The following GNG2 variants were observed in gnomAD, a reference collection of about 807,000 sequenced individuals.
GNG2 encodes G protein subunit gamma 2, also known as guanine nucleotide-binding protein G(I)/G(S)/G(O) subunit gamma-2.
A neutral mutation model predicts 5.5 loss-of-function variants in GNG2; 5 were observed. That is an observed-to-expected ratio of 0.91 (90% CI 0.48 to 1.92). GNG2 has a LOEUF of 1.92. Ranked by LOEUF, GNG2 falls within the 30% of genes most tolerant of loss-of-function variation. The probability of loss-of-function intolerance (pLI) is 0.01; values close to 1 mark genes in which losing one functional copy is unlikely to be tolerated. For missense variants in GNG2, 55 were observed against 88.4 expected, an observed-to-expected ratio of 0.62 and a Z score of 1.52; for synonymous variants, 28 against 32.0, an observed-to-expected ratio of 0.88 and a Z score of 0.42.
At chr14:51,955,471 G>A (rs913526599) in intron 3 of GNG2, among the ~76,000 whole-genome samples, 1 of 152,104 alleles carries the variant, frequency 6.6e-6, no homozygotes, top group African/African-American at 2.4e-5. Context: ...CCTTTTCAAA[G>A]ACCATGTTGT....
At position 51,950,678 on chromosome 14, in the gene GNG2, G is replaced by A. The variant is rs777396127; in HGVS notation, c.-1G>A. 2.3e-5 allele frequency: 37 copies of A among 1,609,520 alleles called. No individual in the cohort carries two copies. The highest frequency in any genetic ancestry group is 5.5e-5 in the South Asian group (5 of 90,570). On this transcript the variant is annotated 5_prime_UTR_variant, in exon 3 of 4. Transcript: ENST00000556766. ...TTCTGAAAGATCTATCCAGCACTCC[G>A]ATGGCCAGCAACAACACCGCCAGCA...
At chr14:51,921,544 C>G (rs1390015174) in intron 2 of GNG2, among the ~76,000 whole-genome samples, 1 of 152,172 alleles carries the variant, frequency 6.6e-6, no homozygotes, top group Non-Finnish European at 1.5e-5. Flanking sequence ...AGGCCCAAAC[C>G]ATAGAATGCT....
chr14:51,861,303 C>T (rs1307569458), intron 1 of GNG2: 1 of 152,114 alleles, frequency 6.6e-6, no homozygotes, highest in East Asian at 1.9e-4. Flanking sequence ...ATGTGAGGGG[C>T]AGTATTTACC....
intron 2 of GNG2, among the ~76,000 whole-genome samples, chr14:51,922,617 T>G (rs1222317700): frequency 6.6e-6 from 1 of 152,188 alleles, no homozygotes; most frequent in Non-Finnish European, 1.5e-5. Context: ...CCCTCCTTTG[T>G]CCCTAGCCTA....
intron 2 of GNG2, among the ~76,000 whole-genome samples, chr14:51,922,329 A>C (rs917846325): frequency 6.6e-6 from 1 of 152,248 alleles, no homozygotes; most frequent in Admixed American, 6.5e-5. Flanking sequence ...GAGAAGAAGA[A>C]GACAAGAAAT....
At chr14:51,899,790 C>T (rs1200899739) in intron 2 of GNG2, among the ~76,000 whole-genome samples, 2 of 152,202 alleles carry the variant, frequency 1.3e-5, no homozygotes, top group Non-Finnish European at 2.9e-5. Flanking sequence ...GCTTATTTCA[C>T]TTAGCATAAC....
chr14:51,908,771 G>T (rs1328543112), intron 2 of GNG2, among the ~76,000 whole-genome samples: 1 of 104,486 alleles, frequency 9.6e-6, no homozygotes, highest in African/African-American at 3.5e-5. Flanking sequence ...GTAGAGATGG[G>T]GTTTCACCAT....
At chr14:51,830,141 C>T (rs993546750) in intron 2 of GNG2, among the ~76,000 whole-genome samples, 1 of 152,204 alleles carries the variant, frequency 6.6e-6, no homozygotes, top group Non-Finnish European at 1.5e-5. Flanking sequence ...ATGCCCAGCT[C>T]ACTCCCTACT....
At chr14:51,890,904 T>TG (rs1248200379) in intron 2 of GNG2, among the ~76,000 whole-genome samples, 14 of 39,796 alleles carry the variant, frequency 3.5e-4, no homozygotes, top group African/African-American at 1.9e-3. Context: ...ACATGGTATA[T>TG]GAAATTGAGT....
chr14:51,921,953 C>A (rs1887038021), intron 2 of GNG2, among the ~76,000 whole-genome samples: 1 of 152,176 alleles, frequency 6.6e-6, no homozygotes, highest in South Asian at 2.1e-4. Context: ...ACACCCAAAT[C>A]TCTGAAACTA....
At chr14:51,964,986 C>T (rs551907997) in intron 3 of GNG2, among the ~76,000 whole-genome samples, 2 of 152,304 alleles carry the variant, frequency 1.3e-5, no homozygotes, top group East Asian at 3.9e-4. Flanking sequence ...TTGTTAAAAC[C>T]TCTGCATCAA....
chr14:51,862,428 G>A (rs1882562313), intron 1 of GNG2, among the ~76,000 whole-genome samples: 2 of 152,202 alleles, frequency 1.3e-5, no homozygotes, highest in Admixed American at 6.5e-5. Flanking sequence ...AAGAGACCTA[G>A]GATAGATCTT....
At chr14:51,862,999 T>TC (rs55988384) in intron 1 of GNG2, among the ~76,000 whole-genome samples, 8 of 151,776 alleles carry the variant, frequency 5.3e-5, no homozygotes, top group Non-Finnish European at 1.0e-4. Flanking sequence ...TTTTTTTTTT[T>TC]CTGCCATATG....
chr14:51,942,038 G>T lies in GNG2; in HGVS notation c.-29-8612G>T, dbSNP rs893339817. Among the ~76,000 whole-genome samples the T allele has an allele frequency of 2.0e-5, 3 of 152,072 alleles. No homozygotes were observed. In the South Asian group the frequency reaches 6.2e-4, roughly 31 times the overall value. On this transcript the variant is annotated intron_variant, in intron 2 of 3. Transcript: ENST00000556766. ...TTTTGCTTACTGGCAAATATAACCC[G>T]GAATAATCTCATTCTGTCAGTAGAC...
chr14:51,933,687 A>T (rs1258799376), intron 2 of GNG2, among the ~76,000 whole-genome samples: 1 of 152,210 alleles, frequency 6.6e-6, no homozygotes, highest in Non-Finnish European at 1.5e-5. Flanking sequence ...CTGCCCTAAG[A>T]CAGGGGCAGG....
chr14:51,922,734 T>C (rs1041036698), intron 2 of GNG2, among the ~76,000 whole-genome samples: 3 of 152,182 alleles, frequency 2.0e-5, no homozygotes, highest in Non-Finnish European at 4.4e-5. Flanking sequence ...AAAAAGCCTT[T>C]CTGTGGGAGT....
chr14:51,893,499 G>A (rs542059291), intron 2 of GNG2, among the ~76,000 whole-genome samples: 32 of 151,960 alleles, frequency 2.1e-4, no homozygotes, highest in Non-Finnish European at 4.4e-4. Context: ...TACTTTGTCC[G>A]CTTTATATGC....
At chr14:51,946,374 A>AT (rs1888643965) in intron 2 of GNG2, among the ~76,000 whole-genome samples, 1 of 152,194 alleles carries the variant, frequency 6.6e-6, no homozygotes, top group African/African-American at 2.4e-5. Flanking sequence ...AAGAAAGAGA[A>AT]TATCTTAAGA....
At chr14:51,846,162 AAC>A (rs1881620464) in intron 2 of GNG2, among the ~76,000 whole-genome samples, 2 of 152,224 alleles carry the variant, frequency 1.3e-5, no homozygotes, top group South Asian at 4.1e-4. Flanking sequence ...GAAAAGGAAA[AAC>A]AGATTAATTT....
Sources: gnomAD v4.1 joint callset for allele counts (sites outside exome capture counted in the v4.1 genomes callset) on GRCh38, gnomAD v4.1.1 for gene constraint, MANE v1.5 for transcripts, NCBI Gene and HGNC (gene_info 2026-07-23, HGNC 2026-07-21) for gene names.